Variants in EXOSC6 observed in about 807,000 individuals in gnomAD.
EXOSC6 encodes the protein exosome complex component MTR3.
Under a neutral mutation model 16.7 loss-of-function variants are expected in EXOSC6, and 21 were observed. The observed-to-expected ratio is 1.26, with a 90% confidence interval of 0.89 to 1.82. EXOSC6 has a LOEUF of 1.82. Among genes scored for constraint, EXOSC6 ranks in the 40% most tolerant of loss-of-function variants. The pLI is 0.00. For synonymous variants in EXOSC6, 297 were observed against 217.1 expected, an observed-to-expected ratio of 1.37 and a Z score of -3.24; for missense variants, 538 against 415.7, an observed-to-expected ratio of 1.29 and a Z score of -2.56.
rs1225961178 is a variant in EXOSC6 at position 70,251,092 on chromosome 16, G to C, written c.809C>G (p.Ala270Gly). Residue 270 changes from alanine to glycine, a missense_variant, in exon 1 of 1, where the codon GCC becomes GGC. By Grantham distance (60) the Ala-to-Gly change is moderately conservative. Transcript: ENST00000435634. Reference protein sequence around the residue: ...VRAARRRGAAAQP With the variant: ...VRAARRRGAAGQP ...GCTCAGGCTTCTGGTTCAGGGCTGG[G>C]CGGCGGCGCCCCTGCGGCGGGCGGC... 4.4e-5 allele frequency: 65 copies of C among 1,480,974 alleles called. No homozygotes were observed. Among genetic ancestry groups the C allele is most frequent in the Non-Finnish European group, 5.8e-5 (65 of 1,129,452 alleles). The allele number at this position is 1,480,974 out of a possible 1,614,324, so 91.7% of individuals were successfully genotyped here.
In EXOSC6 at chr16:70,250,935, T is replaced by A. The variant is rs1056602465; in HGVS notation, c.*147A>T. On this transcript the variant is annotated 3_prime_UTR_variant, in exon 1 of 1. Transcript: ENST00000435634. ...CCCTGCTCCAGACCAAGTCCCACCA[T>A]CTGGCAGTCAGGTCAGTCCAACCAC... 3.9e-6 allele frequency: 4 copies of A among 1,028,040 alleles called. No homozygotes were observed. The highest frequency in any genetic ancestry group is 5.2e-6 in the Non-Finnish European group (4 of 763,754). The allele number at this position is 1,028,040 out of a possible 1,614,324, so 63.7% of individuals were successfully genotyped here. A position where few individuals can be genotyped will look rare whatever the true frequency, so the allele number is the denominator to read the frequency against.
rs1214433414 is a variant in EXOSC6 at position 70,248,301 on chromosome 16, A to C, written c.*2781T>G. The C allele has an allele frequency of 1.3e-5, 2 of 152,102 alleles. No individual in the cohort carries two copies. The highest frequency in any genetic ancestry group is 2.9e-5 in the Non-Finnish European group (2 of 68,042). 9.4% of individuals were successfully genotyped at this position (152,102 alleles called of 1,614,324 possible). A position where few individuals can be genotyped will look rare whatever the true frequency, so the allele number is the denominator to read the frequency against. On this transcript the variant is annotated 3_prime_UTR_variant, in exon 1 of 1. Coordinates refer to ENST00000435634, the MANE Select transcript of EXOSC6 (RefSeq NM_058219.3). ...AAACATTATGGGTTGAACTGTCATC[A>C]TGTGTATGGTTTTCAGATGCTCAAC...
rs1186601536 is a variant in EXOSC6, at chr16:70,250,723, G to A, written c.*359C>T. 8 of 245,456 alleles carry A rather than the reference G, an allele frequency of 3.3e-5. No individual in the cohort carries two copies. The highest frequency in any genetic ancestry group is 5.4e-5 in the Non-Finnish European group (7 of 129,958). 15.2% of individuals were successfully genotyped at this position (245,456 alleles called of 1,614,324 possible). ...AAGAAAAGAAAATTAGCCAGGTGTG[G>A]TTGCATGCACCTGTAGTCCCAGCAC... On this transcript the variant is annotated 3_prime_UTR_variant, in exon 1 of 1. Coordinates refer to ENST00000435634, the MANE Select transcript of EXOSC6 (RefSeq NM_058219.3).
In EXOSC6 at chr16:70,250,993, C is replaced by G. The variant is rs1597430273; in HGVS notation, c.*89G>C. On this transcript the variant is annotated 3_prime_UTR_variant, in exon 1 of 1. Transcript: ENST00000435634. ...TCAGGGCCCTTCCAGGAATTCTCGA[C>G]GCAAACTGGAGGCCGATGGCGCGGG... 2.1e-6 allele frequency: 3 copies of G among 1,402,288 alleles called. No individual in the cohort carries two copies. Among genetic ancestry groups the G allele is most frequent in the East Asian group, 2.8e-5 (1 of 36,076 alleles). 86.9% of individuals were successfully genotyped at this position (1,402,288 alleles called of 1,614,324 possible). A position where few individuals can be genotyped will look rare whatever the true frequency, so the allele number is the denominator to read the frequency against.
chr16:70,249,592 C>T lies in EXOSC6; in HGVS notation c.*1490G>A, dbSNP rs542763625. 6.6e-6 allele frequency: 1 copy of T among 152,272 alleles called. No homozygotes were observed. The highest frequency in any genetic ancestry group is 1.9e-4 in the East Asian group (1 of 5,192). The allele number at this position is 152,272 out of a possible 1,614,324, so 9.4% of individuals were successfully genotyped here. A position where few individuals can be genotyped will look rare whatever the true frequency, so the allele number is the denominator to read the frequency against. ...TCTCCCTCTACAAATGTGAAGCACT[C>T]TTCTATCCGGCATTCCTAGTGGAGT... On this transcript the variant is annotated 3_prime_UTR_variant, in exon 1 of 1. Coordinates refer to ENST00000435634, the MANE Select transcript of EXOSC6 (RefSeq NM_058219.3).
Position 70,251,191 on chromosome 16 carries a change from C to A in EXOSC6, c.710G>T (p.Trp237Leu), listed in dbSNP as rs773224272. 36 of 1,518,298 alleles carry A rather than the reference C, an allele frequency of 2.4e-5. No individual in the cohort carries two copies. In the South Asian group the frequency reaches 4.3e-4, roughly 18 times the overall value. The allele number at this position is 1,518,298 out of a possible 1,614,324, so 94.1% of individuals were successfully genotyped here. The change falls in exon 1 of 1, where the codon TGG becomes TTG. Residue 237 changes from tryptophan (W) to leucine (L), a missense_variant. Physicochemically the swap from Trp to Leu is moderately conservative, Grantham distance 61 (BLOSUM62 -2). Coordinates refer to ENST00000435634, the MANE Select transcript of EXOSC6 (RefSeq NM_058219.3). ...GSGEGGLTES[W>L]AEAVRLGLEG... ...GAGGCCCAGGCGTACGGCCTCCGCC[C>A]AGCTCTCTGTCAGGCCGCCCTCGCC...
rs186348280 is a variant in EXOSC6 at position 70,250,792 on chromosome 16, G to C, written c.*290C>G. On this transcript the variant is annotated 3_prime_UTR_variant, in exon 1 of 1. Coordinates refer to ENST00000435634, the MANE Select transcript of EXOSC6 (RefSeq NM_058219.3). ...GAGGATCAATCAAGGCTAGGAGTTT[G>C]AGACTGCAGAAAGAAACCCTGTCTC... The C allele has an allele frequency of 1.0e-4, 35 of 345,356 alleles. No individual in the cohort carries two copies. Among genetic ancestry groups the C allele is most frequent in the Admixed American group, 5.8e-4 (12 of 20,762 alleles). The allele number at this position is 345,356 out of a possible 1,614,324, so 21.4% of individuals were successfully genotyped here.
At position 70,248,958 on chromosome 16, in the gene EXOSC6, A is replaced by C. The variant is rs1482861571; in HGVS notation, c.*2124T>G. ...TTAAAAAAAAAAGAGAACACTCCTT[A>C]TATTTCCTTTATATTTTGTAAACTA... On this transcript the variant is annotated 3_prime_UTR_variant, in exon 1 of 1. Transcript: ENST00000435634. 1 of 146,002 alleles carries C rather than the reference A, an allele frequency of 6.8e-6. No individual in the cohort carries two copies. The highest frequency in any genetic ancestry group is 1.5e-5 in the Non-Finnish European group (1 of 67,138). 9.0% of individuals were successfully genotyped at this position (146,002 alleles called of 1,614,324 possible).
In EXOSC6 at chr16:70,251,764, A is replaced by G; in HGVS notation, c.137T>C (p.Leu46Pro). 2 of 1,437,308 alleles carry G rather than the reference A, an allele frequency of 1.4e-6. No homozygotes were observed. The highest frequency in any genetic ancestry group is 1.8e-6 in the Non-Finnish European group (2 of 1,106,612). The allele number at this position is 1,437,308 out of a possible 1,614,324, so 89.0% of individuals were successfully genotyped here. The change falls in exon 1 of 1, where the codon CTG (leucine) becomes CCG (proline). Residue 46 changes from leucine (L) to proline (P), a missense_variant. By Grantham distance (98) the Leu-to-Pro change is moderately conservative (BLOSUM62 -3). Coordinates refer to ENST00000435634, the MANE Select transcript of EXOSC6 (RefSeq NM_058219.3). The part of the protein sequence containing the change: ...LRPVYARAGL[L>P]SQAKGSAYLE... The stretch of plus-strand genomic sequence containing the variant: ...GTAGGCCGAGCCCTTGGCCTGGCTC[A>G]GCAGCCCGGCGCGCGCGTACACGGG...
At position 70,248,771 on chromosome 16, in the gene EXOSC6, C is replaced by CTTTTTTTTTT. The variant is rs35401075; in HGVS notation, c.*2301_*2310dup. ...CACCATGCCTGACTTATTTTTTTTC[C>CTTTTTTTTTT]TTTTTTTTTTTTTTTTTTTTTTTTG... On this transcript the variant is annotated 3_prime_UTR_variant, in exon 1 of 1. Transcript: ENST00000435634. 1 of 98,134 alleles carries CTTTTTTTTTT rather than the reference C, an allele frequency of 1.0e-5. No individual in the cohort carries two copies. The highest frequency in any genetic ancestry group is 2.1e-5 in the Non-Finnish European group (1 of 47,484). The allele number at this position is 98,134 out of a possible 1,614,324, so 6.1% of individuals were successfully genotyped here.
rs1250867831 is a variant in EXOSC6, at chr16:70,251,411, C to A, written c.490G>T (p.Ala164Ser). The A allele has an allele frequency of 3.0e-6, 4 of 1,337,824 alleles. No homozygotes were observed. The highest frequency in any genetic ancestry group is 7.7e-5 in the Admixed American group (2 of 25,952). 82.9% of individuals were successfully genotyped at this position (1,337,824 alleles called of 1,614,324 possible). ...GGSALAAALTAAALALADAGV... is the reference protein window; with the variant it reads ...GGSALAAALTSAALALADAGV... ...GCGTCGGCCAGGGCGAGCGCGGCGG[C>A]GGTGAGCGCGGCGGCCAGGGCCGAG... Residue 164 changes from alanine (A) to serine (S), a missense_variant, in exon 1 of 1, where the codon GCC (alanine) becomes TCC (serine). Physicochemically the swap from Ala to Ser is moderately conservative, Grantham distance 99. Transcript: ENST00000435634.
At position 70,251,086 on chromosome 16, in the gene EXOSC6, G is replaced by C. The variant is rs923945041; in HGVS notation, c.815C>G (p.Pro272Arg). 4.1e-6 allele frequency: 6 copies of C among 1,478,120 alleles called. No homozygotes were observed. The East Asian group carries it at 1.1e-4, about 26-fold the overall frequency. The allele number at this position is 1,478,120 out of a possible 1,614,324, so 91.6% of individuals were successfully genotyped here. The change falls in exon 1 of 1, where the codon CCC becomes CGC. Residue 272 changes from proline to arginine, a missense_variant. Physicochemically the swap from Pro to Arg is moderately radical, Grantham distance 103. Coordinates refer to ENST00000435634, the MANE Select transcript of EXOSC6 (RefSeq NM_058219.3). ...AARRRGAAAQP is the reference protein window; with the variant it reads ...AARRRGAAAQR Reference sequence around the variant, plus strand: ...GTAGTTGCTCAGGCTTCTGGTTCAGGGCTGGGCGGCGGCGCCCCTGCGGCG... The same window carrying C: ...GTAGTTGCTCAGGCTTCTGGTTCAGCGCTGGGCGGCGGCGCCCCTGCGGCG...
At position 70,250,843 on chromosome 16, in the gene EXOSC6, G is replaced by C. The variant is rs924042231; in HGVS notation, c.*239C>G. On this transcript the variant is annotated 3_prime_UTR_variant, in exon 1 of 1. Transcript: ENST00000435634. ...TAAAAAAAAGGTCCAGGTAATTTCAGGGTCCAGCTCCACCACAAGCGCAGC... is the reference window on the plus strand; with the variant it reads ...TAAAAAAAAGGTCCAGGTAATTTCACGGTCCAGCTCCACCACAAGCGCAGC... The C allele has an allele frequency of 1.6e-5, 7 of 428,118 alleles. No individual in the cohort carries two copies. The South Asian group carries it at 5.8e-4, about 36-fold the overall frequency. The allele number at this position is 428,118 out of a possible 1,614,324, so 26.5% of individuals were successfully genotyped here.
Position 70,248,043 on chromosome 16 carries a change from A to T in EXOSC6, c.*3039T>A, listed in dbSNP as rs886898582. The T allele has an allele frequency of 6.6e-6, 1 of 152,196 alleles. No homozygotes were observed. The highest frequency in any genetic ancestry group is 1.5e-5 in the Non-Finnish European group (1 of 68,052). The allele number at this position is 152,196 out of a possible 1,614,324, so 9.4% of individuals were successfully genotyped here. ...GCCCTCCAGCTTGGACAATAGAGCA[A>T]GATTTCGTCTCAAAAAAAAAGAGAA... On this transcript the variant is annotated 3_prime_UTR_variant, in exon 1 of 1. Coordinates refer to ENST00000435634, the MANE Select transcript of EXOSC6 (RefSeq NM_058219.3).
In EXOSC6 at chr16:70,247,367, G is replaced by C. The variant is rs921392553; in HGVS notation, c.*3715C>G. ...TTAACATTAGTCCTTAATAACATCTGTTTACAATATCCCTAAATGCTCTCT... is the reference window on the plus strand; with the variant it reads ...TTAACATTAGTCCTTAATAACATCTCTTTACAATATCCCTAAATGCTCTCT... On this transcript the variant is annotated 3_prime_UTR_variant, in exon 1 of 1. Coordinates refer to ENST00000435634, the MANE Select transcript of EXOSC6 (RefSeq NM_058219.3). The C allele has an allele frequency of 1.3e-5, 2 of 152,382 alleles. No homozygotes were observed. The allele number at this position is 152,382 out of a possible 1,614,324, so 9.4% of individuals were successfully genotyped here. A position where few individuals can be genotyped will look rare whatever the true frequency, so the allele number is the denominator to read the frequency against.
rs1959824943 is a variant in EXOSC6, at chr16:70,251,629, G to T, written c.272C>A (p.Ala91Glu). The part of the protein sequence containing the change: ...PAGAGGEAPA[A>E]LRGRLLCDFR... The stretch of plus-strand genomic sequence containing the variant: ...GTCGCAGAGCAGGCGACCGCGCAGC[G>T]CGGCCGGGGCCTCGCCGCCTGCTCC... Residue 91 changes from alanine to glutamate, a missense_variant, in exon 1 of 1, where the codon GCG (alanine) becomes GAG (glutamate). Ala to Glu is a moderately radical substitution (Grantham distance 107). Coordinates refer to ENST00000435634, the MANE Select transcript of EXOSC6 (RefSeq NM_058219.3). The T allele has an allele frequency of 2.8e-6, 3 of 1,087,808 alleles. No individual in the cohort carries two copies. In the South Asian group the frequency reaches 1.3e-4, roughly 47 times the overall value. 67.4% of individuals were successfully genotyped at this position (1,087,808 alleles called of 1,614,324 possible).
In EXOSC6 at chr16:70,248,890, A is replaced by G. The variant is rs935868425; in HGVS notation, c.*2192T>C. The G allele has an allele frequency of 1.4e-5, 2 of 147,616 alleles. No individual in the cohort carries two copies. The highest frequency in any genetic ancestry group is 3.0e-5 in the Non-Finnish European group (2 of 67,376). The allele number at this position is 147,616 out of a possible 1,614,324, so 9.1% of individuals were successfully genotyped here. On this transcript the variant is annotated 3_prime_UTR_variant, in exon 1 of 1. Transcript: ENST00000435634. ...CTCAGCCTCCCACAGTGCTGGGGTT[A>G]CAGGAGTGAGCCACCATGCCCAGTT...
Position 70,251,604 on chromosome 16 carries a change from G to A in EXOSC6, c.297C>T (p.Asp99=), listed in dbSNP as rs921537944. The A allele has an allele frequency of 7.5e-6, 8 of 1,073,402 alleles. No homozygotes were observed. In the East Asian group the frequency reaches 2.8e-4, roughly 37 times the overall value. The allele number at this position is 1,073,402 out of a possible 1,614,324, so 66.5% of individuals were successfully genotyped here. Reference sequence around the variant, plus strand: ...GGCCCGCGAAGGGTGCGCGGCGGAAGTCGCAGAGCAGGCGACCGCGCAGCG... The same window carrying A: ...GGCCCGCGAAGGGTGCGCGGCGGAAATCGCAGAGCAGGCGACCGCGCAGCG... ...PAALRGRLLC[D]FRRAPFAGRR... Residue 99 remains aspartate, a synonymous_variant, in exon 1 of 1, where the codon GAC becomes GAT. Transcript: ENST00000435634.
Position 70,247,090 on chromosome 16 carries a change from G to A in EXOSC6, c.*3992C>T. Reference sequence around the variant, plus strand: ...AAGAAAAATAGATTCTGTAGTTTTAGTTAAAAAAAAAATTGACTTGTAAAT... The same window carrying A: ...AAGAAAAATAGATTCTGTAGTTTTAATTAAAAAAAAAATTGACTTGTAAAT... On this transcript the variant is annotated 3_prime_UTR_variant, in exon 1 of 1. Coordinates refer to ENST00000435634, the MANE Select transcript of EXOSC6 (RefSeq NM_058219.3). The A allele has an allele frequency of 6.1e-6, 2 of 328,138 alleles. No homozygotes were observed. Among genetic ancestry groups the A allele is most frequent in the Non-Finnish European group, 5.8e-6 (1 of 171,904 alleles). The allele number at this position is 328,138 out of a possible 1,614,324, so 20.3% of individuals were successfully genotyped here.
Sources: gnomAD v4.1 joint callset for allele counts on GRCh38, gnomAD v4.1.1 for gene constraint, MANE v1.5 for transcripts, NCBI Gene and HGNC (gene_info 2026-07-23, HGNC 2026-07-21) for gene names.